The following STK3 variants were observed in gnomAD, a reference collection of about 807,000 sequenced individuals.
The protein encoded by STK3 is serine/threonine kinase 3, also known as serine/threonine-protein kinase 3.
Under a neutral mutation model 58.0 loss-of-function variants are expected in STK3, and 41 were observed. The ratio of observed to expected loss-of-function variants is 0.71; its 90% CI spans 0.55 to 0.92. The LOEUF (loss-of-function observed/expected upper bound fraction) is 0.92, where lower values mean the gene tolerates loss of function less well. Among genes scored for constraint, STK3 ranks in the 40% least tolerant of loss-of-function variants. The pLI, the probability that STK3 is intolerant of heterozygous loss-of-function variation, is 0.00. For missense variants in STK3, 479 were observed against 602.7 expected (o/e 0.79, Z 2.15); for synonymous variants, 170 against 191.0 (o/e 0.89, Z 0.91).
chr8:98,844,910 T>A (rs1026256715), intron 3 of STK3, among the ~76,000 whole-genome samples: 1 of 152,204 alleles, frequency 6.6e-6, no homozygotes, highest in African/African-American at 2.4e-5. Flanking sequence ...GGAAGTGTTT[T>A]TTCTACTTTC....
chr8:98,710,121 G>T lies in STK3; in HGVS notation c.352-2810C>A, dbSNP rs115695191. On this transcript the variant is annotated intron_variant, in intron 4 of 10. Transcript: ENST00000419617. ...GATCATATATGTAGAAAATTCTAAA[G>T]ATTCCACAAAAAAAACCTATTAGAA... 6.5e-3 allele frequency among the ~76,000 whole-genome samples: 983 copies of T among 152,036 alleles called. 14 individuals are homozygous for T. Among genetic ancestry groups the T allele is most frequent in the African/African-American group, 0.022 (933 of 41,496 alleles).
At chr8:98,855,573 G>A (rs1439708867) in intron 3 of STK3, among the ~76,000 whole-genome samples, 1 of 152,046 alleles carries the variant, frequency 6.6e-6, no homozygotes, top group African/African-American at 2.4e-5. Flanking sequence ...GAAAATATAG[G>A]GGTATATTTT....
intron 6 of STK3, among the ~76,000 whole-genome samples, chr8:98,652,040 C>T (rs2130714274): frequency 6.6e-6 from 1 of 152,098 alleles, no homozygotes; most frequent in South Asian, 2.1e-4. Flanking sequence ...TCAGATTCAC[C>T]AAAGTTGAAA....
At chr8:98,684,162 A>G (rs1310984159) in intron 6 of STK3, among the ~76,000 whole-genome samples, 1 of 152,194 alleles carries the variant, frequency 6.6e-6, no homozygotes, top group Non-Finnish European at 1.5e-5. Context: ...TTTCATCATT[A>G]GAAAAGATAA....
At chr8:98,429,577 T>C (rs1818299298) in intron 3 of STK3, 1 of 593,298 alleles carries the variant, frequency 1.7e-6, no homozygotes, top group Non-Finnish European at 3.0e-6. Flanking sequence ...TTTAGAATCG[T>C]TTTTAGAGGG....
chr8:98,383,585 G>A (rs1817760518), intron 1 of STK3, among the ~76,000 whole-genome samples: 1 of 152,170 alleles, frequency 6.6e-6, no homozygotes, highest in Admixed American at 6.5e-5. Context: ...TAAAATTTGG[G>A]TAACTAGTTA....
chr8:98,832,321 G>A (rs746761515), intron 3 of STK3, among the ~76,000 whole-genome samples: 3 of 150,282 alleles, frequency 2.0e-5, no homozygotes, highest in African/African-American at 7.3e-5. Flanking sequence ...TGCACAATAA[G>A]CAAACATGCA....
chr8:98,600,563 A>G (rs1003370199), intron 6 of STK3, among the ~76,000 whole-genome samples: 11 of 152,236 alleles, frequency 7.2e-5, no homozygotes, highest in African/African-American at 2.7e-4. Flanking sequence ...TCCTTAGCAT[A>G]TGCTACCTCA....
intron 1 of STK3, among the ~76,000 whole-genome samples, chr8:98,781,474 C>T (rs1190683841): frequency 6.6e-6 from 1 of 152,052 alleles, no homozygotes; most frequent in African/African-American, 2.4e-5. Flanking sequence ...GAATAAAAAG[C>T]AAAATTCCCA....
At chr8:98,828,517 G>A (rs1290401545), upstream of STK3, among the ~76,000 whole-genome samples, 1 of 150,282 alleles carries the variant, frequency 6.7e-6, no homozygotes, top group Non-Finnish European at 1.5e-5. Context: ...CAACTACTAG[G>A]CTTCAGTGAG....
chr8:98,526,024 T>C (rs1825721673), intron 10 of STK3, among the ~76,000 whole-genome samples: 1 of 151,914 alleles, frequency 6.6e-6, no homozygotes, highest in South Asian at 2.1e-4. Context: ...AAAAGTAACA[T>C]TATTATTTAA....
At chr8:98,778,993 C>A (rs982015826) in intron 1 of STK3, 2 of 151,818 alleles carry the variant, frequency 1.3e-5, no homozygotes, top group African/African-American at 4.8e-5. Context: ...AACAAACCTG[C>A]ACATTGTGCA....
At chr8:98,731,583 C>T (rs1443193937) in intron 4 of STK3, among the ~76,000 whole-genome samples, 2 of 151,934 alleles carry the variant, frequency 1.3e-5, no homozygotes, top group Non-Finnish European at 2.9e-5. Context: ...ATTAGCCAGG[C>T]GTGGTGGCAG....
intron 6 of STK3, among the ~76,000 whole-genome samples, chr8:98,631,780 T>A (rs1819267591): frequency 6.6e-6 from 1 of 152,228 alleles, no homozygotes; most frequent in African/African-American, 2.4e-5. Flanking sequence ...TTCTCCTGCC[T>A]CAGCCTCCAA....
chr8:98,791,893 A>G (rs1485377946), intron 1 of STK3, among the ~76,000 whole-genome samples: 1 of 152,238 alleles, frequency 6.6e-6, no homozygotes, highest in Non-Finnish European at 1.5e-5. Flanking sequence ...ACTCTTCTAG[A>G]CATTGGCTTA....
intron 2 of STK3, among the ~76,000 whole-genome samples, chr8:98,378,860 G>A (rs552797574): frequency 6.6e-6 from 1 of 152,152 alleles, no homozygotes; most frequent in Non-Finnish European, 1.5e-5. Context: ...CTCTTCACCA[G>A]ATGGGCTTTG....
chr8:98,417,899 TA>T (rs1818132118), intron 3 of STK3, among the ~76,000 whole-genome samples: 1 of 152,178 alleles, frequency 6.6e-6, no homozygotes, highest in African/African-American at 2.4e-5. Context: ...GGAGAGTTTT[TA>T]ATTTAATTTA....
chr8:98,546,407 T>C (rs965537933), intron 9 of STK3, among the ~76,000 whole-genome samples: 1 of 152,142 alleles, frequency 6.6e-6, no homozygotes, highest in Non-Finnish European at 1.5e-5. Context: ...ATGCTGATGT[T>C]CAACTATATG....
At chr8:98,751,950 T>C (rs1182837606) in intron 3 of STK3, among the ~76,000 whole-genome samples, 1 of 151,272 alleles carries the variant, frequency 6.6e-6, no homozygotes, top group Non-Finnish European at 1.5e-5. Flanking sequence ...AAAAAAATAA[T>C]AATAAAAAAT....
Sources: allele counts gnomAD v4.1 joint callset (sites outside exome capture counted in the v4.1 genomes callset), GRCh38; gene constraint gnomAD v4.1.1; transcripts MANE v1.5; gene names NCBI Gene and HGNC (gene_info 2026-07-23, HGNC 2026-07-21).